Variants in LRRC4C observed in about 807,000 individuals in gnomAD.
LRRC4C encodes leucine rich repeat containing 4C.
A neutral mutation model predicts 33.6 loss-of-function variants in LRRC4C; 5 were observed. The observed-to-expected ratio is 0.15, with a 90% CI of 0.08 to 0.31. The LOEUF is 0.31. Ranked by LOEUF, LRRC4C falls within the 10% of genes least tolerant of loss-of-function variation. The pLI, the probability that LRRC4C is intolerant of heterozygous loss-of-function variation, is 1.00. For missense variants in LRRC4C, 560 were observed against 796.7 expected (o/e 0.70, Z 3.58); for synonymous variants, 329 against 302.0 (o/e 1.09, Z -0.93).
intron 1 of LRRC4C, among the ~76,000 whole-genome samples, chr11:41,286,209 T>C (rs890306245): frequency 3.9e-5 from 6 of 152,212 alleles, no homozygotes; most frequent in African/African-American, 1.4e-4. Context: ...TCATACTTTA[T>C]TTTTCTCTTT....
chr11:40,617,064 A>C (rs1029590054), intron 3 of LRRC4C, among the ~76,000 whole-genome samples: 1 of 151,762 alleles, frequency 6.6e-6, no homozygotes, highest in Non-Finnish European at 1.5e-5. Flanking sequence ...CTTCATTTGC[A>C]GTTGTCTCAC....
chr11:41,428,720 G>A (rs1244534342), intron 1 of LRRC4C, among the ~76,000 whole-genome samples: 2 of 151,950 alleles, frequency 1.3e-5, no homozygotes, highest in East Asian at 1.9e-4. Context: ...GTGCTTTTTC[G>A]CTCTCCTTTT....
chr11:41,270,813 C>A (rs1356656875), intron 1 of LRRC4C, among the ~76,000 whole-genome samples: 2 of 152,032 alleles, frequency 1.3e-5, no homozygotes, highest in African/African-American at 2.4e-5. Flanking sequence ...TATTATATTA[C>A]CATTCTTGTA....
intron 2 of LRRC4C, among the ~76,000 whole-genome samples, chr11:40,881,116 T>C (rs116343158): frequency 0.013 from 1,949 of 152,100 alleles, 49 homozygotes; most frequent in African/African-American, 0.042. Context: ...TTGTAAATAA[T>C]ACTGTCACCT....
At chr11:40,788,566 A>C (rs1950503149) in intron 2 of LRRC4C, among the ~76,000 whole-genome samples, 1 of 152,240 alleles carries the variant, frequency 6.6e-6, no homozygotes, top group African/African-American at 2.4e-5. Flanking sequence ...TGGCAATTGA[A>C]TAATATTAAC....
At chr11:40,802,620 A>G (rs1951085724) in intron 2 of LRRC4C, among the ~76,000 whole-genome samples, 1 of 152,196 alleles carries the variant, frequency 6.6e-6, no homozygotes, top group African/African-American at 2.4e-5. Flanking sequence ...AGTCCCTTGC[A>G]TGTATTGAAC....
At chr11:40,920,297 T>C in intron 2 of LRRC4C, among the ~76,000 whole-genome samples, 1 of 152,176 alleles carries the variant, frequency 6.6e-6, no homozygotes, top group Non-Finnish European at 1.5e-5. Flanking sequence ...TCAAGTTTAA[T>C]CACACATCTA....
intron 1 of LRRC4C, among the ~76,000 whole-genome samples, chr11:41,431,842 C>T (rs556182065): frequency 2.0e-5 from 3 of 152,200 alleles, no homozygotes; most frequent in East Asian, 3.9e-4. Flanking sequence ...TAGGTATATG[C>T]GATTTAGGGA....
intron 1 of LRRC4C, among the ~76,000 whole-genome samples, chr11:41,034,173 C>G (rs1355216163): frequency 2.0e-5 from 3 of 151,944 alleles, no homozygotes; most frequent in African/African-American, 7.3e-5. Context: ...CTGTTGCTAT[C>G]ATAGGAACAA....
intron 1 of LRRC4C, among the ~76,000 whole-genome samples, chr11:41,004,627 A>G (rs937240910): frequency 6.6e-6 from 1 of 152,186 alleles, no homozygotes; most frequent in East Asian, 1.9e-4. Context: ...TCACATCACC[A>G]TGACCTACAT....
At chr11:40,974,787 G>A (rs1300405712) in intron 1 of LRRC4C, among the ~76,000 whole-genome samples, 2 of 152,140 alleles carry the variant, frequency 1.3e-5, no homozygotes, top group Non-Finnish European at 2.9e-5. Flanking sequence ...CAGGATAGAA[G>A]AGAAAAAGAG....
rs773650734 is a variant in LRRC4C, at chr11:40,304,735, C to CT, written c.-176+14892dup. Among the ~76,000 whole-genome samples, 802 of 142,882 alleles carry CT rather than the reference C, an allele frequency of 5.6e-3. 6 individuals carry two copies. The highest frequency in any genetic ancestry group is 0.016 in the African/African-American group (638 of 39,184). The allele number at this position is 142,882 out of a possible 152,430, so 93.7% of individuals were successfully genotyped here. On this transcript the variant is annotated intron_variant, in intron 4 of 6. Coordinates refer to ENST00000528697, the MANE Select transcript of LRRC4C (RefSeq NM_001258419.2). ...TCTCAACTTCTTTTAGACTTTCAAC[C>CT]TTTTTTTTTTTTTTGAGACAGAGTC...
At chr11:40,834,577 A>G (rs1952576260) in intron 2 of LRRC4C, among the ~76,000 whole-genome samples, 2 of 152,104 alleles carry the variant, frequency 1.3e-5, no homozygotes, top group African/African-American at 4.8e-5. Flanking sequence ...CACACTAGAA[A>G]TTAGGAATAT....
intron 4 of LRRC4C, among the ~76,000 whole-genome samples, chr11:40,265,399 A>C (rs1330502438): frequency 6.6e-6 from 1 of 152,222 alleles, no homozygotes; most frequent in Non-Finnish European, 1.5e-5. Flanking sequence ...TTTTCAAAGT[A>C]AACATCACAG....
At chr11:40,592,144 C>T (rs1353067930) in intron 3 of LRRC4C, among the ~76,000 whole-genome samples, 2 of 152,176 alleles carry the variant, frequency 1.3e-5, no homozygotes, top group Non-Finnish European at 2.9e-5. Context: ...AAGCAGCCCT[C>T]CCCTTTTGGA....
intron 1 of LRRC4C, among the ~76,000 whole-genome samples, chr11:40,996,291 T>C (rs1367026056): frequency 1.3e-5 from 2 of 152,158 alleles, no homozygotes; most frequent in African/African-American, 4.8e-5. Flanking sequence ...TCTCTGCTCT[T>C]GTCCCAGGCA....
intron 1 of LRRC4C, among the ~76,000 whole-genome samples, chr11:41,412,450 A>G (rs969977728): frequency 2.6e-5 from 4 of 152,208 alleles, no homozygotes; most frequent in African/African-American, 9.6e-5. Flanking sequence ...ACCTATTGAC[A>G]ATGTTAAGTG....
intron 1 of LRRC4C, among the ~76,000 whole-genome samples, chr11:40,987,421 T>C (rs1421133907): frequency 6.6e-6 from 1 of 152,026 alleles, no homozygotes; most frequent in Non-Finnish European, 1.5e-5. Context: ...CTTAACCGTC[T>C]GGTTCAAAAG....
At chr11:40,147,463 C>T (rs1276942613) in intron 5 of LRRC4C, among the ~76,000 whole-genome samples, 2 of 152,026 alleles carry the variant, frequency 1.3e-5, no homozygotes, top group Non-Finnish European at 2.9e-5. Context: ...AGATTCCAAC[C>T]TTATCACCCT....
Sources: gnomAD v4.1 joint callset for allele counts (sites outside exome capture counted in the v4.1 genomes callset) on GRCh38, gnomAD v4.1.1 for gene constraint, MANE v1.5 for transcripts, NCBI Gene and HGNC (gene_info 2026-07-23, HGNC 2026-07-21) for gene names.